The following THSD7B variants were observed in gnomAD, a reference collection of about 807,000 sequenced individuals.
THSD7B encodes the protein thrombospondin type-1 domain-containing protein 7B.
THSD7B carries 138 observed loss-of-function variants against 213.6 expected under a neutral mutation model. The observed-to-expected ratio is 0.65, with a 90% CI of 0.56 to 0.74. THSD7B has a LOEUF of 0.74. Among genes scored for constraint, THSD7B ranks in the 30% least tolerant of loss-of-function variants. The pLI is 0.00. For missense variants in THSD7B, 1,931 were observed against 1,991.5 expected, an observed-to-expected ratio of 0.97 and a Z score of 0.58; for synonymous variants, 742 against 687.0, an observed-to-expected ratio of 1.08 and a Z score of -1.25.
At chr2:136,949,879 G>A (rs917784606) in intron 2 of THSD7B, among the ~76,000 whole-genome samples, 5 of 152,098 alleles carry the variant, frequency 3.3e-5, no homozygotes, top group Admixed American at 1.3e-4. Context: ...GTAAAAACAC[G>A]TGCACACATA....
intron 2 of THSD7B, among the ~76,000 whole-genome samples, chr2:136,902,469 G>A (rs1475575315): frequency 6.6e-6 from 1 of 152,242 alleles, no homozygotes; most frequent in Non-Finnish European, 1.5e-5. Context: ...AATGACGGCA[G>A]GAAGACAGGT....
chr2:136,882,408 G>T, intron 2 of THSD7B, 91 bp downstream of exon 2: 1 of 1,280,210 alleles, frequency 7.8e-7, no homozygotes, highest in Non-Finnish European at 1.0e-6. Context: ...TAAAGTAGTG[G>T]GAAATATCCA....
intron 12 of THSD7B, among the ~76,000 whole-genome samples, chr2:137,379,429 G>T (rs1472003070): frequency 6.6e-6 from 1 of 152,108 alleles, no homozygotes; most frequent in Non-Finnish European, 1.5e-5. Context: ...CTCAAAAGTT[G>T]CATATATGTC....
At chr2:137,217,696 C>T (rs1386811689) in intron 7 of THSD7B, among the ~76,000 whole-genome samples, 5 of 152,148 alleles carry the variant, frequency 3.3e-5, no homozygotes, top group African/African-American at 9.6e-5. Flanking sequence ...AAACCAAAAA[C>T]ATCTCAGATG....
At chr2:136,995,758 C>T (rs2104819892) in intron 2 of THSD7B, among the ~76,000 whole-genome samples, 1 of 152,240 alleles carries the variant, frequency 6.6e-6, no homozygotes, top group South Asian at 2.1e-4. Flanking sequence ...TTGTTACCTG[C>T]CTTTGTCCTT....
intron 14 of THSD7B, among the ~76,000 whole-genome samples, chr2:137,424,255 A>G (rs1314853990): frequency 6.6e-6 from 1 of 152,176 alleles, no homozygotes; most frequent in Non-Finnish European, 1.5e-5. Context: ...CTAGGCAGAG[A>G]CTTCTTAGAT....
At chr2:137,452,795 GAT>G (rs2105068386) in intron 15 of THSD7B, among the ~76,000 whole-genome samples, 1 of 152,238 alleles carries the variant, frequency 6.6e-6, no homozygotes, top group Admixed American at 6.5e-5. Flanking sequence ...TTTGTGAAGG[GAT>G]GACATGACAG....
chr2:137,522,786 G>A (rs1320342890), intron 15 of THSD7B, among the ~76,000 whole-genome samples: 1 of 152,112 alleles, frequency 6.6e-6, no homozygotes, highest in Non-Finnish European at 1.5e-5. Context: ...GGGCACTTAG[G>A]AATTATATGC....
intron 3 of THSD7B, among the ~76,000 whole-genome samples, chr2:137,078,355 A>T (rs963392816): frequency 1.3e-5 from 2 of 152,134 alleles, no homozygotes; most frequent in African/African-American, 4.8e-5. Flanking sequence ...GTAAGAAATG[A>T]TATCATAGTA....
At chr2:136,954,154 T>C (rs937316100) in intron 2 of THSD7B, among the ~76,000 whole-genome samples, 4 of 152,192 alleles carry the variant, frequency 2.6e-5, no homozygotes, top group African/African-American at 7.2e-5. Flanking sequence ...AAACAATTCA[T>C]GATGGAGTCT....
At chr2:137,087,392 A>G (rs1336183579) in intron 3 of THSD7B, among the ~76,000 whole-genome samples, 2 of 152,212 alleles carry the variant, frequency 1.3e-5, no homozygotes, top group African/African-American at 2.4e-5. Flanking sequence ...TGCCGATGAC[A>G]TGATCGTTTA....
At chr2:137,252,285 A>AC (rs950997741) in intron 10 of THSD7B, among the ~76,000 whole-genome samples, 6 of 150,988 alleles carry the variant, frequency 4.0e-5, no homozygotes, top group African/African-American at 1.2e-4. Flanking sequence ...AAAAAAAAAA[A>AC]AAAAACAAAG....
At chr2:137,237,647 AGT>A (rs1271004570) in intron 9 of THSD7B, among the ~76,000 whole-genome samples, 3 of 152,226 alleles carry the variant, frequency 2.0e-5, no homozygotes, top group Non-Finnish European at 4.4e-5. Context: ...GTGATAATAC[AGT>A]GATACAGAAA....
At chr2:137,655,736 G>T in intron 22 of THSD7B, 76 bp downstream of exon 22, 1 of 1,423,296 alleles carries the variant, frequency 7.0e-7, no homozygotes, top group Non-Finnish European at 9.4e-7. Flanking sequence ...TCCTAGAGAT[G>T]CTCTAGCTCA....
intron 2 of THSD7B, among the ~76,000 whole-genome samples, chr2:136,890,303 C>A (rs1405499055): frequency 0.011 from 57 of 5,166 alleles, 5 homozygotes; most frequent in Middle Eastern, 0.1. Context: ...ATGTCCTACT[C>A]CTTCTTCTTC....
intron 10 of THSD7B, among the ~76,000 whole-genome samples, chr2:137,266,350 A>G (rs1387116977): frequency 5.3e-5 from 8 of 152,200 alleles, no homozygotes. Context: ...ACTCAACCCT[A>G]GGAAGTATTT....
intron 2 of THSD7B, among the ~76,000 whole-genome samples, chr2:136,971,684 C>T (rs192921659): frequency 0.023 from 2,442 of 104,868 alleles, 35 homozygotes; most frequent in Middle Eastern, 0.037. Context: ...TATGTATATA[C>T]ATACATATGT....
intron 3 of THSD7B, among the ~76,000 whole-genome samples, chr2:137,066,173 G>A (rs58603193): frequency 0.092 from 13,632 of 147,662 alleles, 854 homozygotes; most frequent in African/African-American, 0.17. Context: ...GTAGAATTTA[G>A]GTTGATGAGT....
chr2:137,221,053 C>A (rs1681357893), intron 7 of THSD7B, among the ~76,000 whole-genome samples: 1 of 152,144 alleles, frequency 6.6e-6, no homozygotes, highest in Admixed American at 6.5e-5. Flanking sequence ...GTAATCCCAG[C>A]ACTTTGGGAG....
Sources: gnomAD v4.1 joint callset for allele counts (sites outside exome capture counted in the v4.1 genomes callset) on GRCh38, gnomAD v4.1.1 for gene constraint, MANE v1.5 for transcripts, NCBI Gene and HGNC (gene_info 2026-07-23, HGNC 2026-07-21) for gene names.